Variants in SETD2 observed in about 807,000 individuals in gnomAD.
The protein encoded by SETD2 is histone-lysine N-methyltransferase SETD2.
A neutral mutation model predicts 242.1 loss-of-function variants in SETD2; 31 were observed. The ratio of observed to expected loss-of-function variants is 0.13; its 90% CI spans 0.10 to 0.17. The LOEUF (loss-of-function observed/expected upper bound fraction) is 0.17, where lower values mean the gene tolerates loss of function less well. SETD2 is among the 10% of genes least tolerant of loss of function. The pLI, the probability that SETD2 is intolerant of heterozygous loss-of-function variation, is 1.00. For synonymous variants in SETD2, 1,006 were observed against 1,066.5 expected (o/e 0.94, Z 1.11); for missense variants, 2,481 against 3,046.3 (o/e 0.81, Z 4.37).
chr3:47,096,940 T>C (rs2042034213), intron 9 of SETD2, among the ~76,000 whole-genome samples: 2 of 152,154 alleles, frequency 1.3e-5, no homozygotes. Context: ...TTTTAACTTT[T>C]TTTAACTGAA....
At chr3:47,022,903 G>A (rs2038295147) in intron 18 of SETD2, among the ~76,000 whole-genome samples, 1 of 152,168 alleles carries the variant, frequency 6.6e-6, no homozygotes, top group Admixed American at 6.5e-5. Flanking sequence ...ATGGCCTTAA[G>A]CTTATTGGGC....
intron 1 of SETD2, among the ~76,000 whole-genome samples, chr3:47,127,052 T>C (rs1207605726): frequency 2.0e-5 from 3 of 152,080 alleles, no homozygotes; most frequent in Non-Finnish European, 2.9e-5. Context: ...AGTGGGAAAA[T>C]AGGAATGCAA....
At chr3:47,049,918 A>AT (rs1184216020) in intron 15 of SETD2, among the ~76,000 whole-genome samples, 1 of 145,668 alleles carries the variant, frequency 6.9e-6, no homozygotes, top group Non-Finnish European at 1.5e-5. Context: ...CTGAATTTAT[A>AT]TATTATATAT....
intron 2 of SETD2, among the ~76,000 whole-genome samples, chr3:47,125,505 T>A (rs2043297465): frequency 6.6e-6 from 1 of 152,162 alleles, no homozygotes. Flanking sequence ...TAGGCAATTC[T>A]AATCAATGTC....
chr3:47,114,751 C>T (rs1457111367), intron 4 of SETD2, among the ~76,000 whole-genome samples: 9 of 151,798 alleles, frequency 5.9e-5, no homozygotes, highest in East Asian at 1.9e-4. Flanking sequence ...TGATGGTGCA[C>T]GCCTGTAATC....
chr3:47,055,750 C>T (rs1282053821), intron 15 of SETD2, among the ~76,000 whole-genome samples: 1 of 151,654 alleles, frequency 6.6e-6, no homozygotes, highest in African/African-American at 2.4e-5. Context: ...TGGCTCACGT[C>T]AGTAATCCCA....
chr3:47,108,106 C>T (rs1016369006), intron 5 of SETD2, among the ~76,000 whole-genome samples: 3 of 151,812 alleles, frequency 2.0e-5, no homozygotes, highest in South Asian at 2.1e-4. Context: ...GGTGAAATCC[C>T]GTCTCTACCA....
chr3:47,120,122 G>A (rs2107738317), intron 3 of SETD2, 60 bp downstream of exon 3: 1 of 1,319,858 alleles, frequency 7.6e-7, no homozygotes, highest in East Asian at 2.3e-5. Context: ...TTGTTTAAAG[G>A]CTTTTTCTAA....
chr3:47,115,236 G>A (rs138192875), intron 4 of SETD2, among the ~76,000 whole-genome samples: 1 of 152,120 alleles, frequency 6.6e-6, no homozygotes, highest in Non-Finnish European at 1.5e-5. Flanking sequence ...TGCTACCAAG[G>A]GCTCTGAATA....
chr3:47,119,892 G>A, intron 3 of SETD2: 1 of 458,276 alleles, frequency 2.2e-6, no homozygotes, highest in African/African-American at 2.0e-5. Context: ...ACATGTAAAA[G>A]GAATTACAGA....
At chr3:47,075,135 TAAA>T (rs199630834) in intron 12 of SETD2, among the ~76,000 whole-genome samples, 2 of 126,180 alleles carry the variant, frequency 1.6e-5, no homozygotes, top group Non-Finnish European at 3.4e-5. Flanking sequence ...CTCCGTCTCT[TAAA>T]AAAAAAAAAA....
At chr3:47,132,274 A>G (rs2043496351) in intron 1 of SETD2, among the ~76,000 whole-genome samples, 2 of 151,902 alleles carry the variant, frequency 1.3e-5, no homozygotes, top group Non-Finnish European at 2.9e-5. Context: ...CTGGGACTAC[A>G]GGTGTGAGCC....
At chr3:47,114,357 C>T (rs2042773854) in intron 4 of SETD2, among the ~76,000 whole-genome samples, 1 of 152,184 alleles carries the variant, frequency 6.6e-6, no homozygotes, top group African/African-American at 2.4e-5. Context: ...TGCACCTTCC[C>T]TTCCTTCTAC....
Position 47,067,121 on chromosome 3 carries a change from G to A in SETD2, c.6061-3C>T, listed in dbSNP as rs1308339913. ...TTCTTTGGAATTCGATATACCTCCT[G>A]CAAAAAATAAACCAGAGGGAGGGTT... On this transcript the variant is annotated splice_polypyrimidine_tract_variant and splice_region_variant and intron_variant, in intron 12 of 20. Coordinates refer to ENST00000409792, the MANE Select transcript of SETD2 (RefSeq NM_014159.7). 1.9e-6 allele frequency: 3 copies of A among 1,609,306 alleles called. No homozygotes were observed. The South Asian group carries it at 3.3e-5, about 18-fold the overall frequency.
chr3:47,100,274 T>C (rs896754984), intron 8 of SETD2, among the ~76,000 whole-genome samples: 2 of 151,736 alleles, frequency 1.3e-5, no homozygotes, highest in African/African-American at 4.8e-5. Context: ...TTGCTTTTTA[T>C]TTTTTTTAGA....
chr3:47,038,637 A>AC (rs1422470053), intron 17 of SETD2, among the ~76,000 whole-genome samples: 156 of 151,774 alleles, frequency 1.0e-3, no homozygotes, highest in African/African-American at 3.4e-3. Context: ...AAAAAAAAAA[A>AC]CAAAAACTTG....
intron 4 of SETD2, among the ~76,000 whole-genome samples, chr3:47,114,876 C>CAAAAAA (rs764948151): frequency 3.6e-5 from 2 of 55,074 alleles, no homozygotes; most frequent in Non-Finnish European, 9.0e-5. Flanking sequence ...GAGACTGTCT[C>CAAAAAA]AAAAAAAAAA....
At chr3:47,131,255 T>C (rs1329723541) in intron 1 of SETD2, among the ~76,000 whole-genome samples, 2 of 152,252 alleles carry the variant, frequency 1.3e-5, no homozygotes, top group Non-Finnish European at 2.9e-5. Context: ...TGAAATAATC[T>C]TATTTTGTGC....
chr3:47,104,323 C>T (rs1387096548), intron 6 of SETD2, among the ~76,000 whole-genome samples: 2 of 152,028 alleles, frequency 1.3e-5, no homozygotes, highest in Non-Finnish European at 2.9e-5. Context: ...AGGAGGATTG[C>T]TTCAGGTCAG....
Sources: allele counts gnomAD v4.1 joint callset (sites outside exome capture counted in the v4.1 genomes callset), GRCh38; gene constraint gnomAD v4.1.1; transcripts MANE v1.5; gene names NCBI Gene and HGNC (gene_info 2026-07-23, HGNC 2026-07-21).